AHNAK: variants seen among roughly 807,000 people sequenced by gnomAD.
AHNAK encodes neuroblast differentiation-associated protein AHNAK.
AHNAK carries 23 observed loss-of-function variants against 37.8 expected under a neutral mutation model. That is an observed-to-expected ratio of 0.61 (90% CI 0.44 to 0.86). The LOEUF (loss-of-function observed/expected upper bound fraction) is 0.86, where lower values mean the gene tolerates loss of function less well. Ranked by LOEUF, AHNAK falls within the 40% of genes least tolerant of loss-of-function variation. The pLI, the probability that AHNAK is intolerant of heterozygous loss-of-function variation, is 0.00. For missense variants in AHNAK, 7,411 were observed against 7,319.4 expected, an observed-to-expected ratio of 1.01 and a Z score of -0.46; for synonymous variants, 2,481 against 2,636.3, an observed-to-expected ratio of 0.94 and a Z score of 1.80.
In AHNAK at chr11:62,529,285, T is replaced by C. The variant is rs773067283; in HGVS notation, c.5132A>G (p.Lys1711Arg). 6.2e-7 allele frequency: 1 copy of C among 1,613,970 alleles called. No homozygotes were observed. The highest frequency in any genetic ancestry group is 2.2e-5 in the East Asian group (1 of 44,890). The change falls in exon 5 of 5, where the codon AAA (lysine) becomes AGA (arginine). Residue 1711 changes from lysine (K) to arginine (R), a missense_variant. Transcript: ENST00000378024. ...VEVHDPDWHL[K>R]MPKMKMPKFS... Reference sequence around the variant, plus strand: ...CTTGGGCATTTTCATCTTGGGCATTTTCAGGTGCCAATCTGGGTCGTGAAC... The same window carrying C: ...CTTGGGCATTTTCATCTTGGGCATTCTCAGGTGCCAATCTGGGTCGTGAAC...
At chr11:62,448,766 A>C (rs1489734292) in intron 5 of AHNAK, among the ~76,000 whole-genome samples, 1 of 152,164 alleles carries the variant, frequency 6.6e-6, no homozygotes, top group Non-Finnish European at 1.5e-5. Context: ...CAACCTACAG[A>C]TGGTATTTAA....
chr11:62,470,595 G>A (rs1181856056), intron 5 of AHNAK, among the ~76,000 whole-genome samples: 1 of 152,098 alleles, frequency 6.6e-6, no homozygotes, highest in Non-Finnish European at 1.5e-5. Context: ...GACAGTGAGA[G>A]ACTGTCTCAA....
intron 5 of AHNAK, among the ~76,000 whole-genome samples, chr11:62,445,976 C>G (rs940403330): frequency 6.6e-6 from 1 of 152,078 alleles, no homozygotes; most frequent in African/African-American, 2.4e-5. Context: ...CCACTGCACT[C>G]CAGCCTGGGC....
intron 4 of AHNAK, among the ~76,000 whole-genome samples, chr11:62,504,421 CA>C (rs1286012735): frequency 4.6e-5 from 7 of 152,082 alleles, no homozygotes; most frequent in Non-Finnish European, 8.8e-5. Flanking sequence ...GGAATTTAGA[CA>C]ATCCGCACTG....
In AHNAK at chr11:62,442,103, GTGT is replaced by G. The variant is rs1354924969; in HGVS notation, c.443-8215_443-8213del. Among the ~76,000 whole-genome samples the G allele has an allele frequency of 3.3e-5, 5 of 152,290 alleles. No individual in the cohort carries two copies. The East Asian group carries it at 9.6e-4, about 29-fold the overall frequency. On this transcript the variant is annotated intron_variant, in intron 5 of 5. Coordinates refer to the AHNAK transcript ENST00000257247. ...GAGACCTTATACAAAGCAATGGGTG[GTGT>G]TCAAGATTATATCAAAGGGACAGAA...
intron 5 of AHNAK, among the ~76,000 whole-genome samples, chr11:62,470,135 T>G (rs1034001469): frequency 3.3e-5 from 5 of 151,968 alleles, no homozygotes; most frequent in African/African-American, 1.2e-4. Flanking sequence ...AAACCCCATC[T>G]CTACTAAAAA....
At position 62,517,312 on chromosome 11, in the gene AHNAK, T is replaced by C; in HGVS notation, c.17105A>G (p.Glu5702Gly). The C allele has an allele frequency of 6.2e-7, 1 of 1,614,198 alleles. No individual in the cohort carries two copies. Among genetic ancestry groups the C allele is most frequent in the South Asian group, 1.1e-5 (1 of 91,082 alleles). ...GGACTTTTTCAGTTTGACTTCAGAC[T>C]CTTCCCACTCGCCGTCTCCAGCACC... ...QAGAGDGEWEESEVKLKKSKI... is the reference protein window; with the variant it reads ...QAGAGDGEWEGSEVKLKKSKI... The change falls in exon 5 of 5, where the codon GAG becomes GGG. Residue 5702 changes from glutamate to glycine, a missense_variant. Physicochemically the swap from Glu to Gly is moderately conservative, Grantham distance 98 (BLOSUM62 -2). Coordinates refer to ENST00000378024, the MANE Select transcript of AHNAK (RefSeq NM_001620.3).
rs1334506389 is a variant in AHNAK, at chr11:62,520,351, T to A, written c.14066A>T (p.Asp4689Val). The A allele has an allele frequency of 1.2e-6, 2 of 1,612,922 alleles. No homozygotes were observed. Among genetic ancestry groups the A allele is most frequent in the African/African-American group, 1.3e-5 (1 of 74,558 alleles). ...ADIDVSGPKVDVDVPDVNIEG... is the reference protein window; with the variant it reads ...ADIDVSGPKVVVDVPDVNIEG... Reference sequence around the variant, plus strand: ...GATATTCACATCAGGAACATCAACGTCCACTTTGGGTCCTGAGACATCAAT... The same window carrying A: ...GATATTCACATCAGGAACATCAACGACCACTTTGGGTCCTGAGACATCAAT... The change falls in exon 5 of 5, where the codon GAC (aspartate) becomes GTC (valine). Residue 4689 changes from aspartate (D) to valine (V), a missense_variant. Coordinates refer to ENST00000378024, the MANE Select transcript of AHNAK (RefSeq NM_001620.3).
rs1940799578 is a variant in AHNAK at position 62,532,640 on chromosome 11, T to C, written c.1777A>G (p.Arg593Gly). 5 of 1,611,440 alleles carry C rather than the reference T, an allele frequency of 3.1e-6. No individual in the cohort carries two copies. The highest frequency in any genetic ancestry group is 1.1e-5 in the South Asian group (1 of 90,962). The change falls in exon 5 of 5, where the codon AGA becomes GGA. Residue 593 changes from arginine to glycine, a missense_variant. By Grantham distance (125) the Arg-to-Gly change is moderately radical. Transcript: ENST00000378024. ...VKGGVDVTLP[R>G]VEGKVKVPEV... is the part of the protein sequence containing the mutation. Reference sequence around the variant, plus strand: ...GGGACTTTGACTTTCCCTTCTACTCTGGGGAGTGTGACATCTACACCCCCT... The same window carrying C: ...GGGACTTTGACTTTCCCTTCTACTCCGGGGAGTGTGACATCTACACCCCCT...
At chr11:62,546,319 G>A (rs372888042) in intron 1 of AHNAK, among the ~76,000 whole-genome samples, 3 of 152,376 alleles carry the variant, frequency 2.0e-5, no homozygotes, top group East Asian at 3.9e-4. Flanking sequence ...GCCCCATGCA[G>A]GGAGAGGAGG....
chr11:62,542,962 A>C (rs1005605723), intron 1 of AHNAK, among the ~76,000 whole-genome samples: 3 of 152,166 alleles, frequency 2.0e-5, no homozygotes, highest in Non-Finnish European at 2.9e-5. Context: ...ACGCTACTGC[A>C]GGGGCGTGGG....
At position 62,477,000 on chromosome 11, in the gene AHNAK, G is replaced by A. The variant is rs531858764; in HGVS notation, c.442+14732C>T. On this transcript the variant is annotated intron_variant, in intron 5 of 5. Coordinates refer to the AHNAK transcript ENST00000257247. ...CCAATTCTTCTCCATGACAATGCCC[G>A]ACCGCATGTCACACAACACTTCAAA... 5.2e-4 allele frequency among the ~76,000 whole-genome samples: 79 copies of A among 152,224 alleles called. 1 individual carries two copies. Among genetic ancestry groups the A allele is most frequent in the Middle Eastern group, 3.4e-3 (1 of 294 alleles).
chr11:62,527,838 C>A lies in AHNAK; in HGVS notation c.6579G>T (p.Leu2193Phe), dbSNP rs1940556955. The change falls in exon 5 of 5, where the codon TTG (leucine) becomes TTT (phenylalanine). Residue 2193 changes from leucine to phenylalanine, a missense_variant. Leu to Phe is a conservative substitution (Grantham distance 22). Transcript: ENST00000378024. ...KISMPDVNLN[L>F]KGPKVKGDMD... ...TATCCCCTTTGACTTTGGGGCCTTTCAAGTTTAAGTTCACATCAGGCATGG... is the reference window on the plus strand; with the variant it reads ...TATCCCCTTTGACTTTGGGGCCTTTAAAGTTTAAGTTCACATCAGGCATGG... 2 of 1,608,418 alleles carry A rather than the reference C, an allele frequency of 1.2e-6. No individual in the cohort carries two copies. The highest frequency in any genetic ancestry group is 1.7e-6 in the Non-Finnish European group (2 of 1,178,032).
intron 5 of AHNAK, among the ~76,000 whole-genome samples, chr11:62,463,103 G>A (rs993031725): frequency 4.4e-4 from 62 of 142,142 alleles, no homozygotes; most frequent in Non-Finnish European, 7.1e-4. Context: ...CAGCCTGGGC[G>A]ACAGAGCCAG....
chr11:62,455,692 C>T (rs1209054567), intron 5 of AHNAK, among the ~76,000 whole-genome samples: 5 of 150,972 alleles, frequency 3.3e-5, no homozygotes, highest in African/African-American at 9.8e-5. Context: ...GCAACAAGAG[C>T]GAAACTCCAT....
chr11:62,472,715 A>C (rs1939058148), intron 5 of AHNAK, among the ~76,000 whole-genome samples: 2 of 152,158 alleles, frequency 1.3e-5, no homozygotes, highest in African/African-American at 4.8e-5. Context: ...ATACTGTGAC[A>C]GTGAAATAAG....
intron 5 of AHNAK, among the ~76,000 whole-genome samples, chr11:62,482,702 T>G (rs1055941351): frequency 6.6e-6 from 1 of 152,136 alleles, no homozygotes; most frequent in Non-Finnish European, 1.5e-5. Context: ...TCCCTCATAC[T>G]CTTTTCCCCA....
chr11:62,467,833 A>G (rs1938945954), intron 5 of AHNAK, among the ~76,000 whole-genome samples: 1 of 152,236 alleles, frequency 6.6e-6, no homozygotes, highest in South Asian at 2.1e-4. Context: ...ACATCTCTTC[A>G]GTATATATTC....
chr11:62,493,015 T>TCTTTTC (rs780293765), intron 4 of AHNAK, among the ~76,000 whole-genome samples: 8,941 of 131,800 alleles, frequency 0.068, 684 homozygotes, highest in African/African-American at 0.24. Context: ...TCTTTTCTTT[T>TCTTTTC]TTTTTTTTTT....
Sources: allele counts gnomAD v4.1 joint callset (sites outside exome capture counted in the v4.1 genomes callset), GRCh38; gene constraint gnomAD v4.1.1; transcripts MANE v1.5; gene names NCBI Gene and HGNC (gene_info 2026-07-23, HGNC 2026-07-21).